The following ADAM17 variants were observed in gnomAD, a reference collection of about 807,000 sequenced individuals.
ADAM17 encodes ADAM metallopeptidase domain 17, also known as disintegrin and metalloproteinase domain-containing protein 17.
A neutral mutation model predicts 96.7 loss-of-function variants in ADAM17; 39 were observed. The ratio of observed to expected loss-of-function variants is 0.40; its 90% CI spans 0.31 to 0.53. The LOEUF (loss-of-function observed/expected upper bound fraction) is 0.53. ADAM17 is among the 20% of genes least tolerant of loss of function. The pLI is 0.44. For missense variants in ADAM17, 777 were observed against 1,013.2 expected (o/e 0.77, Z 3.17); for synonymous variants, 344 against 359.2 (o/e 0.96, Z 0.48).
At position 9,494,785 on chromosome 2, in the gene ADAM17, CA is replaced by C. The variant is rs754520514; in HGVS notation, c.1784-19del. On this transcript the variant is annotated intron_variant, in intron 14 of 18. Coordinates refer to ENST00000310823, the MANE Select transcript of ADAM17 (RefSeq NM_003183.6). The stretch of plus-strand genomic sequence containing the variant: ...GTCAGTTTCTGGAACAGAGAACACG[CA>C]TTGACAGCTGGATTGTTCTGAGACC... The C allele has an allele frequency of 4.3e-6, 7 of 1,613,154 alleles. No individual in the cohort carries two copies. The highest frequency in any genetic ancestry group is 2.7e-5 in the African/African-American group (2 of 74,882).
chr2:9,523,557 A>G (rs1664396862), intron 6 of ADAM17, among the ~76,000 whole-genome samples: 1 of 152,248 alleles, frequency 6.6e-6, no homozygotes, highest in African/African-American at 2.4e-5. Context: ...ACAATGGTAT[A>G]GTTTAACCTA....
At chr2:9,519,259 A>G (rs1035123461) in intron 8 of ADAM17, among the ~76,000 whole-genome samples, 2 of 152,176 alleles carry the variant, frequency 1.3e-5, no homozygotes, top group Non-Finnish European at 2.9e-5. Context: ...ATGAGGAATG[A>G]AGTGTGGTTA....
chr2:9,508,668 C>A (rs1224556706), intron 11 of ADAM17, among the ~76,000 whole-genome samples: 1 of 152,084 alleles, frequency 6.6e-6, no homozygotes, highest in Non-Finnish European at 1.5e-5. Flanking sequence ...CAGTTTCTAG[C>A]CACATTTCAA....
Position 9,526,150 on chromosome 2 carries a change from G to T in ADAM17, c.714C>A (p.Tyr238Ter). ...TTGTACTCTCTTCCCCTCTGCCCAT[G>T]TATCTGTAGAAGCGATGATCTGCTA... The part of the protein sequence containing the change: ...LVVADHRFYR[Y>*]MGRGEESTTT... Residue 238 changes from tyrosine (Y) to a stop codon, truncating the protein, a stop_gained, in exon 6 of 19, where the codon TAC (tyrosine) becomes TAA (stop). Transcript: ENST00000310823. LOFTEE classifies it high-confidence loss of function. 7 of 1,613,540 alleles carry T rather than the reference G, an allele frequency of 4.3e-6. No individual in the cohort carries two copies. Among genetic ancestry groups the T allele is most frequent in the Non-Finnish European group, 5.9e-6 (7 of 1,179,720 alleles).
intron 7 of ADAM17, chr2:9,521,703 T>G (rs1273015020): frequency 3.3e-5 from 5 of 152,358 alleles, no homozygotes; most frequent in Admixed American, 6.6e-5. Flanking sequence ...AAGAATAGAG[T>G]CTTCTCCTTA....
chr2:9,507,756 G>A (rs911702847), intron 11 of ADAM17, among the ~76,000 whole-genome samples: 1 of 151,888 alleles, frequency 6.6e-6, no homozygotes, highest in Non-Finnish European at 1.5e-5. Flanking sequence ...GTCTCACTCT[G>A]TCATCCAGGC....
rs1233519576 is a variant in ADAM17 at position 9,490,308 on chromosome 2, A to G, written c.2344T>C (p.Phe782Leu). 6.2e-7 allele frequency: 1 copy of G among 1,614,044 alleles called. No individual in the cohort carries two copies. The highest frequency in any genetic ancestry group is 1.3e-5 in the African/African-American group (1 of 74,922). The change falls in exon 19 of 19, where the codon TTC becomes CTC. Residue 782 changes from phenylalanine (F) to leucine (L), a missense_variant. Physicochemically the swap from Phe to Leu is conservative, Grantham distance 22. Around this residue, in one of 3 missense-constraint regions of ADAM17, gnomAD observed 197 missense variants for 219.4 expected, o/e 0.90. Transcript: ENST00000310823. ...TTGGCAGCTGTGCTGCTATTTGGGA[A>G]GGGGTCCTTCTCAAACCCATCCTCG... ...MDEDGFEKDP[F>L]PNSSTAAKSF...
intron 8 of ADAM17, among the ~76,000 whole-genome samples, chr2:9,520,511 G>A (rs191838273): frequency 3.9e-5 from 6 of 152,218 alleles, no homozygotes; most frequent in Middle Eastern, 3.4e-3. Context: ...GATAATTACT[G>A]CCCTAAAAGA....
At chr2:9,507,227 T>G (rs1399372583) in intron 11 of ADAM17, among the ~76,000 whole-genome samples, 1 of 152,168 alleles carries the variant, frequency 6.6e-6, no homozygotes, top group Non-Finnish European at 1.5e-5. Context: ...CAGCAGCTCA[T>G]GCCTGTAATC....
At chr2:9,519,290 C>T (rs1247344180) in intron 8 of ADAM17, among the ~76,000 whole-genome samples, 2 of 152,068 alleles carry the variant, frequency 1.3e-5, no homozygotes, top group Admixed American at 6.5e-5. Context: ...CTGATAGTTC[C>T]GTGGTAAAAG....
At chr2:9,525,231 G>A (rs1481815271) in intron 6 of ADAM17, among the ~76,000 whole-genome samples, 1 of 151,750 alleles carries the variant, frequency 6.6e-6, no homozygotes, top group East Asian at 1.9e-4. Context: ...CCCAGGAGGT[G>A]GGGGTTGCAG....
chr2:9,527,425 A>G (rs963982343), intron 5 of ADAM17: 1 of 157,254 alleles, frequency 6.4e-6, no homozygotes, highest in Non-Finnish European at 1.4e-5. Flanking sequence ...TAAGCAGTAT[A>G]TATATAGGTC....
At chr2:9,499,164 A>G (rs906576560) in intron 13 of ADAM17, among the ~76,000 whole-genome samples, 5 of 149,642 alleles carry the variant, frequency 3.3e-5, no homozygotes, top group African/African-American at 1.3e-4. Context: ...TCCTGCTAGA[A>G]AATACTGATT....
chr2:9,518,834 C>T (rs1664185950), intron 8 of ADAM17, among the ~76,000 whole-genome samples: 1 of 151,136 alleles, frequency 6.6e-6, no homozygotes, highest in South Asian at 2.1e-4. Context: ...GGGCTTCATA[C>T]ATTACTTTAA....
intron 13 of ADAM17, among the ~76,000 whole-genome samples, chr2:9,501,251 T>TA (rs536264722): frequency 2.1e-4 from 32 of 149,090 alleles, no homozygotes; most frequent in South Asian, 6.4e-4. Flanking sequence ...CAAGGGCTGT[T>TA]AAAAAAAAAA....
intron 1 of ADAM17, among the ~76,000 whole-genome samples, chr2:9,544,396 G>A (rs942832712): frequency 6.6e-6 from 1 of 152,114 alleles, no homozygotes; most frequent in Non-Finnish European, 1.5e-5. Context: ...GCCGGGCATG[G>A]TGGTGCATGC....
chr2:9,536,352 C>T (rs563493329), intron 3 of ADAM17, among the ~76,000 whole-genome samples: 2 of 151,916 alleles, frequency 1.3e-5, no homozygotes, highest in Admixed American at 6.6e-5. Flanking sequence ...CAAATACATA[C>T]GTAATAGGAT....
chr2:9,508,740 C>T (rs768984223), intron 11 of ADAM17, among the ~76,000 whole-genome samples: 16 of 152,074 alleles, frequency 1.1e-4, no homozygotes, highest in African/African-American at 1.7e-4. Context: ...TCCCCCGCCC[C>T]GCAGCAGAAA....
intron 8 of ADAM17, among the ~76,000 whole-genome samples, chr2:9,520,568 A>C (rs1664263060): frequency 6.6e-6 from 1 of 152,204 alleles, no homozygotes; most frequent in South Asian, 2.1e-4. Context: ...TGCAGAACTA[A>C]TGAAACAGTG....
Sources: allele counts gnomAD v4.1 joint callset (sites outside exome capture counted in the v4.1 genomes callset), GRCh38; gene constraint gnomAD v4.1.1; regional missense constraint gnomAD v4.1.1; transcripts MANE v1.5; gene names NCBI Gene and HGNC (gene_info 2026-07-23, HGNC 2026-07-21).